Variants in ZNF804A observed in about 807,000 individuals in gnomAD.
The protein encoded by ZNF804A is zinc finger protein 804A.
A neutral mutation model predicts 16.5 loss-of-function variants in ZNF804A; 2 were observed. The observed-to-expected ratio is 0.12, with a 90% CI of 0.05 to 0.38. The LOEUF (loss-of-function observed/expected upper bound fraction) is 0.38. ZNF804A is among the 10% of genes least tolerant of loss of function. ZNF804A has a pLI of 0.99. For missense variants in ZNF804A, 1,473 were observed against 1,390.7 expected (o/e 1.06, Z -0.94); for synonymous variants, 534 against 489.6 (o/e 1.09, Z -1.20).
At chr2:184,633,673 T>C (rs1197541221) in intron 1 of ZNF804A, among the ~76,000 whole-genome samples, 1 of 152,200 alleles carries the variant, frequency 6.6e-6, no homozygotes, top group African/African-American at 2.4e-5. Flanking sequence ...TAATCACAAA[T>C]GTCCACAAAG....
At chr2:184,611,109 CAT>C (rs1033694195) in intron 1 of ZNF804A, among the ~76,000 whole-genome samples, 2 of 152,106 alleles carry the variant, frequency 1.3e-5, no homozygotes, top group African/African-American at 2.4e-5. Context: ...CTTGCTTCCT[CAT>C]AGTCAGACTT....
chr2:184,702,837 T>A (rs1036805733), intron 1 of ZNF804A, among the ~76,000 whole-genome samples: 1 of 152,182 alleles, frequency 6.6e-6, no homozygotes. Flanking sequence ...TGTGTATATG[T>A]TATGTATATC....
At chr2:184,747,452 T>C (rs1693807348) in intron 1 of ZNF804A, among the ~76,000 whole-genome samples, 1 of 150,948 alleles carries the variant, frequency 6.6e-6, no homozygotes, top group African/African-American at 2.4e-5. Flanking sequence ...GATTTTAATA[T>C]ATTTTACAAT....
intron 1 of ZNF804A, among the ~76,000 whole-genome samples, chr2:184,735,109 C>A (rs1302403135): frequency 6.6e-6 from 1 of 152,066 alleles, no homozygotes; most frequent in Non-Finnish European, 1.5e-5. Flanking sequence ...TTAACCCTCT[C>A]TAATAATGTT....
intron 1 of ZNF804A, among the ~76,000 whole-genome samples, chr2:184,663,771 A>G (rs980623386): frequency 2.0e-5 from 3 of 152,204 alleles, no homozygotes; most frequent in Non-Finnish European, 4.4e-5. Context: ...AGCCAGACTC[A>G]TTGTCTTTTG....
chr2:184,854,881 T>C (rs1374802092), intron 1 of ZNF804A, among the ~76,000 whole-genome samples: 2 of 152,052 alleles, frequency 1.3e-5, no homozygotes, highest in Non-Finnish European at 2.9e-5. Context: ...CAATGAACTA[T>C]AAATTGAATA....
intron 1 of ZNF804A, among the ~76,000 whole-genome samples, chr2:184,830,547 T>C (rs142739839): frequency 2.6e-5 from 4 of 152,252 alleles, no homozygotes; most frequent in African/African-American, 9.6e-5. Context: ...TGAGAGGTGA[T>C]TTAAATAAGG....
chr2:184,911,894 GT>G (rs759952306), intron 2 of ZNF804A, among the ~76,000 whole-genome samples: 38 of 150,050 alleles, frequency 2.5e-4, no homozygotes, highest in Non-Finnish European at 5.5e-4. Context: ...TGAAAATTTT[GT>G]TTTATGGTCT....
chr2:184,775,604 T>C (rs1694273897), intron 1 of ZNF804A, among the ~76,000 whole-genome samples: 4 of 151,716 alleles, frequency 2.6e-5, no homozygotes, highest in South Asian at 4.1e-4. Context: ...TTTCTTTTTG[T>C]GAGTTAGGAC....
chr2:184,784,828 T>C (rs1317210), intron 1 of ZNF804A, among the ~76,000 whole-genome samples: 21,031 of 151,948 alleles, frequency 0.14, 1,573 homozygotes, highest in Middle Eastern at 0.23. Context: ...ATAAGCATTG[T>C]AAAAACAACA....
intron 1 of ZNF804A, among the ~76,000 whole-genome samples, chr2:184,846,288 C>T (rs907661675): frequency 6.6e-6 from 1 of 152,062 alleles, no homozygotes; most frequent in Non-Finnish European, 1.5e-5. Flanking sequence ...AACCATCCTG[C>T]CTTACCCAAG....
chr2:184,822,281 C>T (rs1257800260), intron 1 of ZNF804A, among the ~76,000 whole-genome samples: 2 of 152,084 alleles, frequency 1.3e-5, no homozygotes, highest in Non-Finnish European at 2.9e-5. Context: ...GAGCTGGAAG[C>T]TGTTATCCTC....
chr2:184,712,293 A>G (rs1304744419), intron 1 of ZNF804A, among the ~76,000 whole-genome samples: 2 of 151,692 alleles, frequency 1.3e-5, no homozygotes, highest in East Asian at 3.9e-4. Flanking sequence ...GGGGAGTTTT[A>G]CCAGACATAG....
intron 1 of ZNF804A, among the ~76,000 whole-genome samples, chr2:184,632,401 G>A (rs1691627990): frequency 1.3e-5 from 2 of 152,028 alleles, no homozygotes; most frequent in African/African-American, 4.8e-5. Flanking sequence ...ACCATTTAGT[G>A]TTGCTTGTTT....
At chr2:184,830,881 CTACT>C (rs1695253218) in intron 1 of ZNF804A, among the ~76,000 whole-genome samples, 1 of 152,056 alleles carries the variant, frequency 6.6e-6, no homozygotes, top group Non-Finnish European at 1.5e-5. Context: ...TTTTTACCAA[CTACT>C]TCTGAGAAAA....
At chr2:184,853,143 T>C (rs1232504665) in intron 1 of ZNF804A, among the ~76,000 whole-genome samples, 1 of 151,876 alleles carries the variant, frequency 6.6e-6, no homozygotes, top group Non-Finnish European at 1.5e-5. Context: ...AGTGTACAGG[T>C]TATTCACATC....
chr2:184,827,731 T>A (rs1695187420), intron 1 of ZNF804A, among the ~76,000 whole-genome samples: 1 of 151,460 alleles, frequency 6.6e-6, no homozygotes, highest in South Asian at 2.1e-4. Context: ...TCCAGATTAT[T>A]GGCTGAATTA....
chr2:184,760,128 T>C (rs1257885494), intron 1 of ZNF804A, among the ~76,000 whole-genome samples: 2 of 152,134 alleles, frequency 1.3e-5, no homozygotes, highest in Non-Finnish European at 2.9e-5. Context: ...TCACTTCTTT[T>C]GTGATTCTTC....
intron 1 of ZNF804A, among the ~76,000 whole-genome samples, chr2:184,718,282 G>A (rs991436370): frequency 4.6e-5 from 7 of 152,084 alleles, no homozygotes; most frequent in African/African-American, 1.7e-4. Flanking sequence ...CTCCTACTGA[G>A]TCCCTCTCAC....
Sources: gnomAD v4.1 joint callset for allele counts (sites outside exome capture counted in the v4.1 genomes callset) on GRCh38, gnomAD v4.1.1 for gene constraint, MANE v1.5 for transcripts, NCBI Gene and HGNC (gene_info 2026-07-23, HGNC 2026-07-21) for gene names.